ERI1: variants seen among roughly 807,000 people sequenced by gnomAD.
ERI1 encodes exoribonuclease 1.
Under a neutral mutation model 39.7 loss-of-function variants are expected in ERI1, and 39 were observed. That is an observed-to-expected ratio of 0.98 (90% CI 0.76 to 1.28). The LOEUF (loss-of-function observed/expected upper bound fraction) is 1.28. Ranked by LOEUF, ERI1 falls within the 50% of genes most tolerant of loss-of-function variation. The probability of loss-of-function intolerance (pLI) is 0.00; values close to 1 mark genes in which losing one functional copy is unlikely to be tolerated. For synonymous variants in ERI1, 204 were observed against 149.6 expected, an observed-to-expected ratio of 1.36 and a Z score of -2.65; for missense variants, 581 against 416.9, an observed-to-expected ratio of 1.39 and a Z score of -3.43.
intron 3 of ERI1, among the ~76,000 whole-genome samples, chr8:9,039,292 C>T (rs969604267): frequency 6.6e-6 from 1 of 152,082 alleles, no homozygotes; most frequent in Non-Finnish European, 1.5e-5. Flanking sequence ...TTATATGTTT[C>T]GTCAAAACCT....
intron 3 of ERI1, among the ~76,000 whole-genome samples, chr8:9,080,158 G>A (rs6601283): frequency 3.3e-5 from 5 of 151,976 alleles, no homozygotes; most frequent in African/African-American, 7.3e-5. Flanking sequence ...ATTTTACAGC[G>A]ACTTGTGGTA....
intron 3 of ERI1, among the ~76,000 whole-genome samples, chr8:9,070,207 C>G (rs1267031882): frequency 6.6e-6 from 1 of 151,760 alleles, no homozygotes; most frequent in East Asian, 1.9e-4. Flanking sequence ...CCACTGCACT[C>G]CAACCTGGGT....
chr8:9,095,035 C>T (rs574167648), intron 3 of ERI1, among the ~76,000 whole-genome samples: 147 of 152,212 alleles, frequency 9.7e-4, no homozygotes, highest in African/African-American at 3.3e-3. Context: ...TGAATCCTGC[C>T]GTTTTCCTAC....
chr8:9,007,634 G>A (rs184384183), intron 1 of ERI1, among the ~76,000 whole-genome samples: 303 of 152,274 alleles, frequency 2.0e-3, no homozygotes, highest in African/African-American at 7.0e-3. Context: ...AGGCTAATAC[G>A]TAGCTATCCA....
At chr8:9,076,751 G>A (rs567863683) in intron 3 of ERI1, among the ~76,000 whole-genome samples, 1 of 152,362 alleles carries the variant, frequency 6.6e-6, no homozygotes, top group East Asian at 1.9e-4. Context: ...AACAAGAAGA[G>A]AAATCTGAAT....
chr8:9,049,367 A>G (rs1395422423), intron 3 of ERI1, among the ~76,000 whole-genome samples: 6 of 109,858 alleles, frequency 5.5e-5, no homozygotes, highest in African/African-American at 1.9e-4. Context: ...AAAAAAAAAG[A>G]GCAACATTAA....
At chr8:9,018,022 A>C (rs1385946409) in intron 4 of ERI1, among the ~76,000 whole-genome samples, 1 of 152,188 alleles carries the variant, frequency 6.6e-6, no homozygotes, top group Non-Finnish European at 1.5e-5. Flanking sequence ...CGCTAGGTTC[A>C]GGCCTATAAA....
At chr8:9,034,134 T>G (rs11782281), downstream of ERI1, among the ~76,000 whole-genome samples, 133,719 of 152,280 alleles carry the variant, frequency 0.88, 58,939 homozygotes, top group Non-Finnish European at 0.92. Flanking sequence ...TGATGAAGAG[T>G]TGGAAGTACT....
At chr8:9,092,790 G>C (rs1016697881) in intron 3 of ERI1, among the ~76,000 whole-genome samples, 2 of 152,222 alleles carry the variant, frequency 1.3e-5, no homozygotes, top group African/African-American at 4.8e-5. Flanking sequence ...CCATAACAAA[G>C]TAACAGACCG....
chr8:9,023,964 G>A (rs1478781408), intron 6 of ERI1, among the ~76,000 whole-genome samples: 2 of 151,572 alleles, frequency 1.3e-5, no homozygotes, highest in Non-Finnish European at 2.9e-5. Context: ...ACGTCTGGCT[G>A]ATTTTTTTGT....
At chr8:9,079,270 C>T (rs919765204) in intron 3 of ERI1, among the ~76,000 whole-genome samples, 4 of 152,204 alleles carry the variant, frequency 2.6e-5, no homozygotes, top group Admixed American at 2.6e-4. Flanking sequence ...AGATGAAGCA[C>T]TGAAGGCAAG....
intron 3 of ERI1, among the ~76,000 whole-genome samples, chr8:9,074,689 C>T (rs1360521399): frequency 4.6e-5 from 7 of 152,238 alleles, no homozygotes; most frequent in African/African-American, 1.4e-4. Flanking sequence ...CCGTCTTGGG[C>T]TTCCAAAGTT....
At chr8:9,006,568 A>C (rs912323258) in intron 1 of ERI1, among the ~76,000 whole-genome samples, 4 of 152,236 alleles carry the variant, frequency 2.6e-5, no homozygotes, top group Non-Finnish European at 5.9e-5. Context: ...AATTCAATGT[A>C]AATTTAAAGT....
rs569787993 is a variant in ERI1 at position 9,051,987 on chromosome 8, C to G, written n.299+31523C>G. ...CCATGCCACAAAATAAGTGACCTTG[C>G]TCTGTTAAACGGGGGCATGCCAGCC... On this transcript the variant is annotated intron_variant and non_coding_transcript_variant, in intron 3 of 3. Transcript: ENST00000518663. 3.9e-3 allele frequency among the ~76,000 whole-genome samples: 594 copies of G among 152,330 alleles called. 2 individuals carry two copies. The highest frequency in any genetic ancestry group is 6.6e-3 in the Non-Finnish European group (451 of 68,038).
intron 4 of ERI1, among the ~76,000 whole-genome samples, chr8:9,017,175 G>T (rs902330714): frequency 6.6e-6 from 1 of 152,138 alleles, no homozygotes; most frequent in Admixed American, 6.5e-5. Flanking sequence ...AAGTAGCTGA[G>T]ACTATAGGCA....
intron 3 of ERI1, among the ~76,000 whole-genome samples, chr8:9,041,600 G>T (rs933875748): frequency 1.3e-5 from 2 of 152,174 alleles, no homozygotes; most frequent in African/African-American, 4.8e-5. Context: ...GGTGAAAGAA[G>T]AAATTAAGAA....
chr8:9,067,623 C>G (rs1798922146), intron 3 of ERI1, among the ~76,000 whole-genome samples: 1 of 150,070 alleles, frequency 6.7e-6, no homozygotes, highest in Admixed American at 6.7e-5. Context: ...CCACTGCACT[C>G]CAGGCTGAGC....
chr8:9,057,654 G>T (rs1035092657), intron 3 of ERI1, among the ~76,000 whole-genome samples: 4 of 152,302 alleles, frequency 2.6e-5, no homozygotes, highest in African/African-American at 9.6e-5. Flanking sequence ...GTACATTCTA[G>T]TGAGGAGAGG....
At chr8:9,026,059 A>C (rs1818444101) in intron 6 of ERI1, among the ~76,000 whole-genome samples, 1 of 152,310 alleles carries the variant, frequency 6.6e-6, no homozygotes, top group South Asian at 2.1e-4. Flanking sequence ...ACCAATAAGC[A>C]ATAGCTTTCT....
Sources: gnomAD v4.1 joint callset for allele counts (sites outside exome capture counted in the v4.1 genomes callset) on GRCh38, gnomAD v4.1.1 for gene constraint, MANE v1.5 for transcripts, NCBI Gene and HGNC (gene_info 2026-07-23, HGNC 2026-07-21) for gene names.